The following MESD variants were observed in gnomAD, a reference collection of about 807,000 sequenced individuals.
The protein encoded by MESD is LRP chaperone MESD.
In MESD, 7 loss-of-function variants were observed where a neutral mutation model predicts 12.9. That is an observed-to-expected ratio of 0.54 (90% confidence interval 0.31 to 1.02). The LOEUF (loss-of-function observed/expected upper bound fraction) is 1.02. Among genes scored for constraint, MESD ranks in the 50% least tolerant of loss-of-function variants. MESD has a pLI of 0.05. For missense variants in MESD, 342 were observed against 296.7 expected, an observed-to-expected ratio of 1.15 and a Z score of -1.12; for synonymous variants, 126 against 115.6, an observed-to-expected ratio of 1.09 and a Z score of -0.58.
downstream of MESD, among the ~76,000 whole-genome samples, chr15:80,970,983 A>G (rs548957677): frequency 2.0e-5 from 3 of 152,328 alleles, no homozygotes; most frequent in East Asian, 1.9e-4. Flanking sequence ...GAGTGATTAG[A>G]TATCAAGGGT....
chr15:80,968,282 C>T (rs953657912), intron 3 of MESD, among the ~76,000 whole-genome samples: 4 of 152,206 alleles, frequency 2.6e-5, no homozygotes, highest in African/African-American at 9.6e-5. Context: ...GGCAAGGTGG[C>T]CATTCTCCTT....
intron 2 of MESD, among the ~76,000 whole-genome samples, chr15:80,980,007 C>T (rs929040921): frequency 3.9e-5 from 6 of 152,190 alleles, no homozygotes; most frequent in African/African-American, 1.4e-4. Context: ...GCAAGCTGCC[C>T]AGCTCGTCCA....
In MESD at chr15:80,975,961, T is replaced by C. The variant is rs1291927538; in HGVS notation, c.*3258A>G. 2 of 152,202 alleles carry C rather than the reference T, an allele frequency of 1.3e-5. No homozygotes were observed. Among genetic ancestry groups the C allele is most frequent in the African/African-American group, 4.8e-5 (2 of 41,456 alleles). The allele number at this position is 152,202 out of a possible 1,614,324, so 9.4% of individuals were successfully genotyped here. ...GTGAGGGCAACAGAGTGAGACCCTG[T>C]CTCAAAAACAAAAACAAATGACATT... On this transcript the variant is annotated 3_prime_UTR_variant, in exon 3 of 3. Transcript: ENST00000261758.
rs545153005 is a variant in MESD at position 80,977,576 on chromosome 15, A to T, written c.*1643T>A. On this transcript the variant is annotated 3_prime_UTR_variant, in exon 3 of 3. Coordinates refer to ENST00000261758, the MANE Select transcript of MESD (RefSeq NM_015154.3). ...TTAATTAAAGCAATTATCTCATCAA[A>T]ACAGCTGCTTTATACTGGGCCATTA... The T allele has an allele frequency of 6.6e-6, 1 of 152,328 alleles. No homozygotes were observed. Among genetic ancestry groups the T allele is most frequent in the East Asian group, 1.9e-4 (1 of 5,176 alleles). The allele number at this position is 152,328 out of a possible 1,614,324, so 9.4% of individuals were successfully genotyped here. A position where few individuals can be genotyped will look rare whatever the true frequency, so the allele number is the denominator to read the frequency against.
At chr15:80,947,368 G>A (rs560966512) in exon 5 of MESD, 12 of 388,652 alleles carry the variant, frequency 3.1e-5, no homozygotes, top group African/African-American at 2.2e-4. Flanking sequence ...AGTATCATAA[G>A]AAAAGTGGCT....
intron 1 of MESD, among the ~76,000 whole-genome samples, chr15:80,989,118 G>A (rs1378451250): frequency 6.6e-6 from 1 of 152,196 alleles, no homozygotes; most frequent in Non-Finnish European, 1.5e-5. Context: ...GAAGACAGCT[G>A]AGATAACCAT....
At chr15:80,949,387 A>G in intron 4 of MESD, 1 of 260,664 alleles carries the variant, frequency 3.8e-6, no homozygotes, top group South Asian at 4.7e-5. Flanking sequence ...GCCTTAAGGA[A>G]ATCTTTACTC....
chr15:80,970,784 G>A (rs1902270173), downstream of MESD: 1 of 152,208 alleles, frequency 6.6e-6, no homozygotes, highest in South Asian at 2.1e-4. Context: ...AATACAGCAT[G>A]CACAAACAGG....
intron 1 of MESD, among the ~76,000 whole-genome samples, chr15:80,987,508 A>C (rs1225812674): frequency 7.1e-6 from 1 of 141,480 alleles, no homozygotes; most frequent in Non-Finnish European, 1.5e-5. Context: ...TTTTTTTTTG[A>C]GACAGAGTCT....
At chr15:80,973,373 AC>A (rs1387094960), downstream of MESD, among the ~76,000 whole-genome samples, 1 of 151,932 alleles carries the variant, frequency 6.6e-6, no homozygotes, top group Non-Finnish European at 1.5e-5. Flanking sequence ...AACAACAACA[AC>A]AAAACCCCAC....
At chr15:80,985,994 T>G (rs545872178) in intron 1 of MESD, among the ~76,000 whole-genome samples, 15 of 152,034 alleles carry the variant, frequency 9.9e-5, no homozygotes, top group Non-Finnish European at 1.8e-4. Flanking sequence ...TAAATAGTCG[T>G]AAGTCTAGTG....
chr15:80,980,759 G>C (rs1902552255), intron 2 of MESD, among the ~76,000 whole-genome samples: 1 of 151,832 alleles, frequency 6.6e-6, no homozygotes. Context: ...AACATAGTGA[G>C]ACCTCGCCTC....
chr15:80,977,584 C>T lies in MESD; in HGVS notation c.*1635G>A, dbSNP rs564850004. ...AGCAATTATCTCATCAAAACAGCTGCTTTATACTGGGCCATTATGGCTATG... is the reference window on the plus strand; with the variant it reads ...AGCAATTATCTCATCAAAACAGCTGTTTTATACTGGGCCATTATGGCTATG... On this transcript the variant is annotated 3_prime_UTR_variant, in exon 3 of 3. Coordinates refer to ENST00000261758, the MANE Select transcript of MESD (RefSeq NM_015154.3). 2 of 152,360 alleles carry T rather than the reference C, an allele frequency of 1.3e-5. No homozygotes were observed. The highest frequency in any genetic ancestry group is 6.5e-5 in the Admixed American group (1 of 15,302). The allele number at this position is 152,360 out of a possible 1,614,324, so 9.4% of individuals were successfully genotyped here.
At chr15:80,982,213 A>G (rs769919781) in intron 1 of MESD, 31 bp from the exon 2 acceptor site, 1 of 1,583,094 alleles carries the variant, frequency 6.3e-7, no homozygotes, top group Non-Finnish European at 8.7e-7. Flanking sequence ...CATCAAACCT[A>G]TCATCAGAAT....
At position 80,982,058 on chromosome 15, in the gene MESD, G is replaced by C; in HGVS notation, c.338C>G (p.Thr113Ser). ...TGATACAGTGACAAACATCATGAGAGTCTTCCCTTTTTTCGTCATTTTCAA... is the reference window on the plus strand; with the variant it reads ...TGATACAGTGACAAACATCATGAGACTCTTCCCTTTTTTCGTCATTTTCAA... ...SILKMTKKGK[T>S]LMMFVTVSGS... Residue 113 changes from threonine (T) to serine (S), a missense_variant, in exon 2 of 3, where the codon ACT becomes AGT. By Grantham distance (58) the Thr-to-Ser change is moderately conservative. Transcript: ENST00000261758. The C allele has an allele frequency of 6.2e-7, 1 of 1,614,110 alleles. No individual in the cohort carries two copies. Among genetic ancestry groups the C allele is most frequent in the East Asian group, 2.2e-5 (1 of 44,880 alleles).
At chr15:80,953,147 A>G in intron 3 of MESD, 1 of 451,176 alleles carries the variant, frequency 2.2e-6, no homozygotes, top group Non-Finnish European at 4.5e-6. Context: ...ATCAAGGCTC[A>G]GTCATGAGAG....
rs182349778 is a variant in MESD, at chr15:80,978,927, T to C, written c.*292A>G. The C allele has an allele frequency of 4.1e-4, 183 of 441,684 alleles. No individual in the cohort carries two copies. In the Admixed American group the frequency reaches 5.9e-3, roughly 14 times the overall value. The allele number at this position is 441,684 out of a possible 1,614,324, so 27.4% of individuals were successfully genotyped here. On this transcript the variant is annotated 3_prime_UTR_variant, in exon 3 of 3. Coordinates refer to ENST00000261758, the MANE Select transcript of MESD (RefSeq NM_015154.3). ...GTGGAATCTCAGTAGAGTTGATGAC[T>C]CACCAAGTGTAAATGGGAAAAAGCA...
chr15:80,969,566 G>A (rs1012949547), intron 3 of MESD, among the ~76,000 whole-genome samples: 1 of 151,982 alleles, frequency 6.6e-6, no homozygotes, highest in African/African-American at 2.4e-5. Context: ...TTAAATCCTG[G>A]GTTTGAGGCT....
intron 1 of MESD, among the ~76,000 whole-genome samples, chr15:80,982,842 A>G (rs536265066): frequency 3.3e-5 from 5 of 152,290 alleles, no homozygotes; most frequent in Admixed American, 2.0e-4. Flanking sequence ...GCACTTTGGG[A>G]GGCTGAGGTA....
Sources: allele counts gnomAD v4.1 joint callset (sites outside exome capture counted in the v4.1 genomes callset), GRCh38; gene constraint gnomAD v4.1.1; transcripts MANE v1.5; gene names NCBI Gene and HGNC (gene_info 2026-07-23, HGNC 2026-07-21).